The following ITGB5 variants were observed in gnomAD, a reference collection of about 807,000 sequenced individuals.
ITGB5 encodes integrin beta-5.
ITGB5 carries 38 observed loss-of-function variants against 84.8 expected under a neutral mutation model. The ratio of observed to expected loss-of-function variants is 0.45; its 90% CI spans 0.35 to 0.59. The LOEUF (loss-of-function observed/expected upper bound fraction) is 0.59. Among genes scored for constraint, ITGB5 ranks in the 20% least tolerant of loss-of-function variants. ITGB5 has a pLI of 0.01. For synonymous variants in ITGB5, 393 were observed against 414.4 expected, an observed-to-expected ratio of 0.95 and a Z score of 0.63; for missense variants, 905 against 1,034.5, an observed-to-expected ratio of 0.87 and a Z score of 1.72.
At chr3:124,784,448 T>A (rs2064051359) in intron 10 of ITGB5, among the ~76,000 whole-genome samples, 1 of 152,168 alleles carries the variant, frequency 6.6e-6, no homozygotes, top group Non-Finnish European at 1.5e-5. Flanking sequence ...AAGCCTGCAA[T>A]GAGCTGTGAT....
Position 124,848,021 on chromosome 3 carries a change from G to C in ITGB5, c.611+288C>G, listed in dbSNP as rs556900861. Reference sequence around the variant, plus strand: ...TGATAATCTGGATCCATCACTCCCTGAGGACATTTTCTGAATTCTATTAAT... The same window carrying C: ...TGATAATCTGGATCCATCACTCCCTCAGGACATTTTCTGAATTCTATTAAT... On this transcript the variant is annotated intron_variant, in intron 4 of 14. Coordinates refer to ENST00000296181, the MANE Select transcript of ITGB5 (RefSeq NM_002213.5). 7.9e-5 allele frequency among the ~76,000 whole-genome samples: 12 copies of C among 152,260 alleles called. No individual in the cohort carries two copies. The East Asian group carries it at 1.7e-3, about 22-fold the overall frequency.
At chr3:124,768,282 A>G (rs2063794677) in intron 12 of ITGB5, among the ~76,000 whole-genome samples, 1 of 152,206 alleles carries the variant, frequency 6.6e-6, no homozygotes, top group Non-Finnish European at 1.5e-5. Context: ...CCCCCTCACC[A>G]TTTAAACCAT....
chr3:124,833,040 C>G (rs983435863), intron 5 of ITGB5: 4 of 152,182 alleles, frequency 2.6e-5, no homozygotes, highest in Non-Finnish European at 5.9e-5. Context: ...TATACACATT[C>G]TTTTTAGTTT....
Position 124,819,892 on chromosome 3 carries a change from C to T in ITGB5, c.943-58G>A, listed in dbSNP as rs989824265. The T allele has an allele frequency of 9.5e-6, 12 of 1,265,000 alleles. No homozygotes were observed. In the South Asian group the frequency reaches 1.3e-4, roughly 14 times the overall value. 78.4% of individuals were successfully genotyped at this position (1,265,000 alleles called of 1,614,324 possible). ...TTCCTAACAGGTGTAGATACCAGCA[C>T]CTGGCTCCAATGCACAGTCAGCAGC... On this transcript the variant is annotated intron_variant, in intron 6 of 14. Transcript: ENST00000296181.
chr3:124,889,462 A>G (rs1934947765), upstream of ITGB5, among the ~76,000 whole-genome samples: 1 of 152,168 alleles, frequency 6.6e-6, no homozygotes, highest in African/African-American at 2.4e-5. Context: ...TGTAACCCCG[A>G]CCACCTTGGG....
chr3:124,885,211 A>C lies in ITGB5; in HGVS notation c.70+1720T>G, dbSNP rs1350351257. On this transcript the variant is annotated intron_variant, in intron 1 of 14. Transcript: ENST00000296181. The stretch of plus-strand genomic sequence containing the variant: ...CTTGAACCTGGGAGGTGGAGGTTGC[A>C]GTGAGCCGAGATGGCACCACTGCAC... Among the ~76,000 whole-genome samples, 4 of 152,262 alleles carry C rather than the reference A, an allele frequency of 2.6e-5. No individual in the cohort carries two copies. The East Asian group carries it at 7.7e-4, about 29-fold the overall frequency.
chr3:124,813,521 A>T (rs2064537981), intron 8 of ITGB5, among the ~76,000 whole-genome samples: 1 of 152,178 alleles, frequency 6.6e-6, no homozygotes, highest in African/African-American at 2.4e-5. Flanking sequence ...CTATAAATTC[A>T]AATTCCCATG....
intron 2 of ITGB5, 32 bp from the exon 3 acceptor site, chr3:124,859,478 G>C: frequency 6.3e-7 from 1 of 1,575,172 alleles, no homozygotes; most frequent in Non-Finnish European, 8.7e-7. Flanking sequence ...GAGAGCAGGA[G>C]GTGGTCAGGG....
intron 1 of ITGB5, among the ~76,000 whole-genome samples, chr3:124,886,394 G>A (rs1934810912): frequency 6.6e-6 from 1 of 152,156 alleles, no homozygotes; most frequent in Non-Finnish European, 1.5e-5. Context: ...GCTAGCCTAG[G>A]CGCAGCGAAC....
intron 3 of ITGB5, among the ~76,000 whole-genome samples, chr3:124,859,015 A>C (rs1037520076): frequency 6.6e-6 from 1 of 152,176 alleles, no homozygotes; most frequent in Admixed American, 6.5e-5. Flanking sequence ...TTTCACCACA[A>C]TTGTTTAAAA....
chr3:124,803,885 C>T (rs2064354868), intron 9 of ITGB5, among the ~76,000 whole-genome samples: 1 of 152,206 alleles, frequency 6.6e-6, no homozygotes, highest in Non-Finnish European at 1.5e-5. Flanking sequence ...TTCATGTCGA[C>T]ACTTCAGGCT....
At chr3:124,783,290 C>CAAAA (rs758967509) in intron 10 of ITGB5, among the ~76,000 whole-genome samples, 8 of 56,920 alleles carry the variant, frequency 1.4e-4, no homozygotes, top group East Asian at 5.0e-4. Context: ...GACTCCGTCT[C>CAAAA]AAAAAAAAAA....
intron 2 of ITGB5, among the ~76,000 whole-genome samples, chr3:124,871,916 G>A (rs566028763): frequency 9.9e-5 from 15 of 152,110 alleles, no homozygotes; most frequent in Non-Finnish European, 2.2e-4. Context: ...AGGCTCTCCA[G>A]GGAGGGGAGA....
At chr3:124,895,753 T>A (rs541223655) in intron 1 of ITGB5, among the ~76,000 whole-genome samples, 2 of 152,200 alleles carry the variant, frequency 1.3e-5, no homozygotes, top group Non-Finnish European at 2.9e-5. Flanking sequence ...TTCACCTGTT[T>A]GCAGTAGCTG....
intron 5 of ITGB5, among the ~76,000 whole-genome samples, chr3:124,836,814 A>T (rs1289077900): frequency 6.6e-6 from 1 of 152,224 alleles, no homozygotes; most frequent in Non-Finnish European, 1.5e-5. Context: ...TGCCAAAAAA[A>T]TTTTATTCAA....
At chr3:124,842,652 C>T (rs560650514) in intron 4 of ITGB5, among the ~76,000 whole-genome samples, 77 of 152,156 alleles carry the variant, frequency 5.1e-4, no homozygotes, top group African/African-American at 1.5e-3. Context: ...TTAAGGAAGT[C>T]GCTCTTTCAG....
chr3:124,832,027 A>T (rs1160554321), intron 5 of ITGB5, among the ~76,000 whole-genome samples: 10 of 152,228 alleles, frequency 6.6e-5, no homozygotes, highest in African/African-American at 2.4e-4. Context: ...TTGGGACAGT[A>T]CCAGTGGCCT....
chr3:124,899,853 CAAAAAAAAAAAAAAAAAAAAA>C, intron 1 of ITGB5, among the ~76,000 whole-genome samples: 1 of 35,012 alleles, frequency 2.9e-5, no homozygotes, highest in African/African-American at 1.5e-4. Flanking sequence ...GACCCTGTCT[CAAAAAAAAAAAAAAAAAAAAA>C]AAAAAAAAAG....
upstream of ITGB5, among the ~76,000 whole-genome samples, chr3:124,892,581 G>A (rs368067685): frequency 1.4e-5 from 2 of 147,202 alleles, no homozygotes; most frequent in Admixed American, 6.8e-5. Flanking sequence ...TGTAGTCCCA[G>A]CTACTCAGGA....
Sources: gnomAD v4.1 joint callset for allele counts (sites outside exome capture counted in the v4.1 genomes callset) on GRCh38, gnomAD v4.1.1 for gene constraint, MANE v1.5 for transcripts, NCBI Gene and HGNC (gene_info 2026-07-23, HGNC 2026-07-21) for gene names.